The following CACNG2 variants were observed in gnomAD, a reference collection of about 807,000 sequenced individuals.
The protein encoded by CACNG2 is calcium voltage-gated channel auxiliary subunit gamma 2.
Under a neutral mutation model 25.9 loss-of-function variants are expected in CACNG2, and 3 were observed. The ratio of observed to expected loss-of-function variants is 0.12; its 90% CI spans 0.05 to 0.30. CACNG2 has a LOEUF of 0.30. CACNG2 is among the 10% of genes least tolerant of loss of function. The pLI is 1.00. For synonymous variants in CACNG2, 167 were observed against 173.3 expected, an observed-to-expected ratio of 0.96 and a Z score of 0.29; for missense variants, 341 against 432.5, an observed-to-expected ratio of 0.79 and a Z score of 1.88.
In CACNG2 at chr22:36,564,915, G is replaced by A; in HGVS notation, c.437-29C>T. The A allele has an allele frequency of 6.3e-7, 1 of 1,596,952 alleles. No homozygotes were observed. Among genetic ancestry groups the A allele is most frequent in the South Asian group, 1.1e-5 (1 of 90,934 alleles). ...CGGGGCGCAGGGTGGCGGGGTGGGG[G>A]ATCAGAGAGAAGGACGTTAGTTTCT... On this transcript the variant is annotated intron_variant, in intron 3 of 3. Transcript: ENST00000300105. The surrounding 1 kb of genome is among the most constrained non-coding windows in gnomAD (Gnocchi z 6.7).
Position 36,564,494 on chromosome 22 carries a change from G to T in CACNG2, c.829C>A (p.Pro277Thr). 1.9e-6 allele frequency: 3 copies of T among 1,614,104 alleles called. No homozygotes were observed. Among genetic ancestry groups the T allele is most frequent in the Non-Finnish European group, 2.5e-6 (3 of 1,179,978 alleles). ...GTGGGCGTGGTGGCGGCCTTCAGGG[G>T]GTCCCTGCTGAGCGTGTACATGGAG... ...EISMYTLSRD[P>T]LKAATTPTAT... Residue 277 changes from proline to threonine, a missense_variant, in exon 4 of 4, where the codon CCC (proline) becomes ACC (threonine). This residue lies in a region of CACNG2 where 172 missense variants were observed against 178.1 expected (regional missense o/e 0.97). Transcript: ENST00000300105. This position sits in a 1 kb window ranked among gnomAD's most constrained non-coding sequence, Gnocchi z 6.7.
At chr22:36,675,775 AG>A (rs1004557470) in intron 1 of CACNG2, among the ~76,000 whole-genome samples, 1 of 152,220 alleles carries the variant, frequency 6.6e-6, no homozygotes, top group Non-Finnish European at 1.5e-5. Flanking sequence ...CACTTTCTGT[AG>A]GGAGGTATTG....
chr22:36,673,620 G>C (rs966854364), intron 1 of CACNG2, among the ~76,000 whole-genome samples: 1 of 152,016 alleles, frequency 6.6e-6, no homozygotes, highest in Non-Finnish European at 1.5e-5. Context: ...GGCAGTGTAT[G>C]CTGGCAGGGA....
At chr22:36,583,587 A>T (rs1935455479) in intron 2 of CACNG2, among the ~76,000 whole-genome samples, 1 of 152,030 alleles carries the variant, frequency 6.6e-6, no homozygotes, top group Non-Finnish European at 1.5e-5. Flanking sequence ...CTCTCCTTTC[A>T]CTTCCGTCCC....
chr22:36,663,855 T>C (rs1174240634), intron 1 of CACNG2, among the ~76,000 whole-genome samples: 1 of 152,136 alleles, frequency 6.6e-6, no homozygotes. Context: ...CAGGCCTCGA[T>C]CACATGGGCC....
rs57987215 is a variant in CACNG2, at chr22:36,625,026, C to CA, written c.212-37479dup. 1.6e-3 allele frequency among the ~76,000 whole-genome samples: 105 copies of CA among 67,628 alleles called. 3 individuals carry two copies. Among genetic ancestry groups the CA allele is most frequent in the East Asian group, 6.7e-3 (13 of 1,946 alleles). 44.4% of individuals were successfully genotyped at this position (67,628 alleles called of 152,430 possible). A position where few individuals can be genotyped will look rare whatever the true frequency, so the allele number is the denominator to read the frequency against. On this transcript the variant is annotated intron_variant, in intron 1 of 3. Transcript: ENST00000300105. ...CTGGCAACAGAGTGAGACTCTGTCT[C>CA]AAAAAAAAAAAAAAAAGAACCACAG... is the stretch of plus-strand genomic sequence containing the variant.
intron 2 of CACNG2, among the ~76,000 whole-genome samples, chr22:36,573,611 C>T (rs1041914312): frequency 6.6e-6 from 1 of 152,164 alleles, no homozygotes; most frequent in Non-Finnish European, 1.5e-5. Flanking sequence ...GGAGTGCAGG[C>T]GTGAGCCACC....
At chr22:36,583,937 C>T (rs1183367222) in intron 2 of CACNG2, among the ~76,000 whole-genome samples, 1 of 152,228 alleles carries the variant, frequency 6.6e-6, no homozygotes, top group Non-Finnish European at 1.5e-5. Flanking sequence ...CCAGCTACCC[C>T]TCTGATCCTC....
intron 1 of CACNG2, among the ~76,000 whole-genome samples, chr22:36,591,003 G>C (rs1603501031): frequency 6.6e-6 from 1 of 151,762 alleles, no homozygotes; most frequent in African/African-American, 2.4e-5. Context: ...TCCTCCACTA[G>C]CTGGCTAGTG....
chr22:36,640,633 C>G (rs965278471), intron 1 of CACNG2, among the ~76,000 whole-genome samples: 3 of 152,210 alleles, frequency 2.0e-5, no homozygotes, highest in Admixed American at 2.0e-4. Context: ...AGGGCCCGAG[C>G]CTTCAGCATC....
Position 36,577,357 on chromosome 22 carries a change from A to G in CACNG2, c.295+10108T>C, listed in dbSNP as rs936774716. Among the ~76,000 whole-genome samples, 3 of 152,160 alleles carry G rather than the reference A, an allele frequency of 2.0e-5. No homozygotes were observed. In the South Asian group the frequency reaches 6.2e-4, roughly 32 times the overall value. On this transcript the variant is annotated intron_variant, in intron 2 of 3. Coordinates refer to ENST00000300105, the MANE Select transcript of CACNG2 (RefSeq NM_006078.5). ...TGTAGTGGTAGCAACCAGCCCTTAA[A>G]GAAATGAACCGGGGCCGGGCGCGGT...
intron 1 of CACNG2, among the ~76,000 whole-genome samples, chr22:36,609,658 C>CA (rs1555895577): frequency 3.6e-5 from 1 of 27,752 alleles, no homozygotes; most frequent in Non-Finnish European, 1.2e-4. Context: ...CAGGAATCAG[C>CA]CCCCCAGAGC....
chr22:36,669,433 A>G (rs1601446555), intron 1 of CACNG2, among the ~76,000 whole-genome samples: 2 of 144,224 alleles, frequency 1.4e-5, no homozygotes, highest in African/African-American at 2.5e-5. Flanking sequence ...GCTTGAACCC[A>G]GGAGGCAGAG....
At chr22:36,695,518 C>T (rs897389088) in intron 1 of CACNG2, among the ~76,000 whole-genome samples, 1 of 137,438 alleles carries the variant, frequency 7.3e-6, no homozygotes, top group African/African-American at 2.7e-5. Context: ...GTTTCCTATC[C>T]ACCCTGGCCT....
At chr22:36,599,757 G>A (rs1935727135) in intron 1 of CACNG2, among the ~76,000 whole-genome samples, 1 of 152,134 alleles carries the variant, frequency 6.6e-6, no homozygotes, top group South Asian at 2.1e-4. Context: ...CTGCTTCAAT[G>A]TCCTAGGAAT....
At chr22:36,699,727 A>G (rs969152787) in intron 1 of CACNG2, among the ~76,000 whole-genome samples, 27 of 152,126 alleles carry the variant, frequency 1.8e-4, no homozygotes, top group Admixed American at 1.8e-3. Context: ...TCAAGCACTG[A>G]CAACTTGATC....
chr22:36,677,427 C>T (rs564763643), intron 1 of CACNG2, among the ~76,000 whole-genome samples: 1 of 152,180 alleles, frequency 6.6e-6, no homozygotes, highest in Non-Finnish European at 1.5e-5. Context: ...GCGGTTTCCC[C>T]ACCACTGCAC....
At chr22:36,578,576 G>T (rs771737250) in intron 2 of CACNG2, among the ~76,000 whole-genome samples, 15 of 152,102 alleles carry the variant, frequency 9.9e-5, no homozygotes, top group Non-Finnish European at 2.1e-4. Flanking sequence ...AACAACCTCG[G>T]GTTTTGACAC....
intron 1 of CACNG2, among the ~76,000 whole-genome samples, chr22:36,619,499 T>A (rs1936074532): frequency 6.6e-6 from 1 of 152,242 alleles, no homozygotes. Context: ...CTACGCTTTG[T>A]CCAATATGTA....
Sources: allele counts gnomAD v4.1 joint callset (sites outside exome capture counted in the v4.1 genomes callset), GRCh38; gene constraint gnomAD v4.1.1; regional missense constraint gnomAD v4.1.1; non-coding constraint Gnocchi (gnomAD v3.1); transcripts MANE v1.5; gene names NCBI Gene and HGNC (gene_info 2026-07-23, HGNC 2026-07-21).